Variants in LUZP2 observed in about 807,000 individuals in gnomAD.
LUZP2 encodes the protein leucine zipper protein 2.
A neutral mutation model predicts 51.6 loss-of-function variants in LUZP2; 52 were observed. The observed-to-expected ratio is 1.01, with a 90% CI of 0.81 to 1.27. The LOEUF (loss-of-function observed/expected upper bound fraction) is 1.27, where lower values mean the gene tolerates loss of function less well. Ranked by LOEUF, LUZP2 falls within the 50% of genes most tolerant of loss-of-function variation. The pLI, the probability that LUZP2 is intolerant of heterozygous loss-of-function variation, is 0.00. For synonymous variants in LUZP2, 154 were observed against 137.3 expected, an observed-to-expected ratio of 1.12 and a Z score of -0.85; for missense variants, 436 against 395.4, an observed-to-expected ratio of 1.10 and a Z score of -0.87.
intron 10 of LUZP2, among the ~76,000 whole-genome samples, chr11:25,077,021 G>A (rs1859327211): frequency 6.6e-6 from 1 of 152,114 alleles, no homozygotes; most frequent in African/African-American, 2.4e-5. Context: ...AGACATAGTA[G>A]TTTTATAATC....
chr11:25,005,960 C>T (rs1479953934), intron 9 of LUZP2, among the ~76,000 whole-genome samples: 1 of 152,072 alleles, frequency 6.6e-6, no homozygotes, highest in East Asian at 1.9e-4. Flanking sequence ...GAGGGCCAAA[C>T]CCTGAGTGAG....
At chr11:24,938,838 A>C (rs894161816) in intron 7 of LUZP2, among the ~76,000 whole-genome samples, 9 of 152,216 alleles carry the variant, frequency 5.9e-5, no homozygotes, top group Non-Finnish European at 1.0e-4. Flanking sequence ...AGCTTTAGCT[A>C]CATGGAATGA....
At chr11:24,570,721 T>C (rs114254463) in intron 1 of LUZP2, among the ~76,000 whole-genome samples, 3,736 of 152,154 alleles carry the variant, frequency 0.025, 130 homozygotes, top group African/African-American at 0.083. Context: ...CTCTTTTCTA[T>C]GGAGCTTTAA....
intron 1 of LUZP2, among the ~76,000 whole-genome samples, chr11:24,584,221 G>T (rs2133828176): frequency 6.6e-6 from 1 of 152,180 alleles, no homozygotes; most frequent in East Asian, 1.9e-4. Flanking sequence ...AAGCCTGCCA[G>T]CTTCTTTGTA....
At chr11:24,742,696 T>C (rs1859227736) in intron 4 of LUZP2, among the ~76,000 whole-genome samples, 2 of 152,138 alleles carry the variant, frequency 1.3e-5, no homozygotes, top group African/African-American at 2.4e-5. Context: ...CTCTTTAGTC[T>C]AATTAAGTCC....
At chr11:24,891,218 T>G in intron 5 of LUZP2, 13 of 984,524 alleles carry the variant, frequency 1.3e-5, no homozygotes, top group Non-Finnish European at 1.6e-5. Flanking sequence ...CTTGTCAACT[T>G]TGGTGATAAG....
chr11:24,966,748 A>G (rs946372796), intron 7 of LUZP2, among the ~76,000 whole-genome samples: 14 of 147,860 alleles, frequency 9.5e-5, no homozygotes, highest in African/African-American at 3.4e-4. Flanking sequence ...TATATTTTAC[A>G]TTATATATTT....
intron 1 of LUZP2, among the ~76,000 whole-genome samples, chr11:24,575,817 C>T (rs983695849): frequency 3.3e-5 from 5 of 151,998 alleles, no homozygotes; most frequent in Admixed American, 1.3e-4. Context: ...AGCATTTTTG[C>T]CTTTCTCTCT....
chr11:25,035,190 A>G (rs1405484154), intron 9 of LUZP2, among the ~76,000 whole-genome samples: 2 of 152,132 alleles, frequency 1.3e-5, no homozygotes, highest in African/African-American at 2.4e-5. Flanking sequence ...AGTCAGAGCA[A>G]TCGGGCAAGA....
chr11:24,517,087 T>G (rs769683433), intron 1 of LUZP2, among the ~76,000 whole-genome samples: 5 of 152,184 alleles, frequency 3.3e-5, no homozygotes, highest in Non-Finnish European at 7.4e-5. Context: ...TTTTGTGTTC[T>G]AAGTTGAAAC....
intron 7 of LUZP2, among the ~76,000 whole-genome samples, chr11:24,948,046 G>A (rs1022702032): frequency 1.3e-4 from 20 of 151,762 alleles, no homozygotes; most frequent in Admixed American, 3.3e-4. Flanking sequence ...TTGGTATTCC[G>A]TAATTCATAA....
chr11:24,829,104 A>G (rs879631934), intron 5 of LUZP2, among the ~76,000 whole-genome samples: 2 of 152,198 alleles, frequency 1.3e-5, no homozygotes, highest in Non-Finnish European at 2.9e-5. Context: ...CAACTATTTT[A>G]TTCCCTCTGA....
chr11:24,535,111 G>A (rs888855706), intron 1 of LUZP2, among the ~76,000 whole-genome samples: 15 of 144,890 alleles, frequency 1.0e-4, no homozygotes, highest in African/African-American at 3.2e-4. Context: ...AAATGTCTAG[G>A]GTTAATTAAA....
chr11:24,730,545 T>C (rs1465941491), intron 2 of LUZP2, among the ~76,000 whole-genome samples: 1 of 151,766 alleles, frequency 6.6e-6, no homozygotes, highest in East Asian at 1.9e-4. Context: ...GAAGTACAGA[T>C]TGATTTCTAG....
chr11:24,885,772 G>A (rs1231941266), intron 5 of LUZP2, among the ~76,000 whole-genome samples: 3 of 152,258 alleles, frequency 2.0e-5, no homozygotes, highest in Middle Eastern at 3.4e-3. Context: ...CGTGGATGCT[G>A]AGTGTCTATG....
chr11:24,727,848 G>GAGAAAA (rs564187622), intron 1 of LUZP2, among the ~76,000 whole-genome samples: 2,468 of 151,768 alleles, frequency 0.016, 35 homozygotes, highest in Non-Finnish European at 0.024. Context: ...TTTAGCAAAT[G>GAGAAAA]AGAAAAAGAA....
chr11:24,541,030 A>C (rs1422916312), intron 1 of LUZP2, among the ~76,000 whole-genome samples: 1 of 152,054 alleles, frequency 6.6e-6, no homozygotes, highest in Non-Finnish European at 1.5e-5. Flanking sequence ...AGGCAGGTGG[A>C]TCACCTGAGG....
At chr11:24,848,250 C>A (rs1851266093) in intron 5 of LUZP2, among the ~76,000 whole-genome samples, 1 of 152,116 alleles carries the variant, frequency 6.6e-6, no homozygotes, top group South Asian at 2.1e-4. Context: ...CACACTGAAA[C>A]CTACAGATCT....
chr11:24,513,877 A>C (rs748954335), intron 1 of LUZP2, among the ~76,000 whole-genome samples: 43 of 152,360 alleles, frequency 2.8e-4, no homozygotes, highest in Non-Finnish European at 4.7e-4. Flanking sequence ...AAAAGTTGAC[A>C]GGCTGGGAAA....
Sources: gnomAD v4.1 joint callset for allele counts (sites outside exome capture counted in the v4.1 genomes callset) on GRCh38, gnomAD v4.1.1 for gene constraint, MANE v1.5 for transcripts, NCBI Gene and HGNC (gene_info 2026-07-23, HGNC 2026-07-21) for gene names.